ATP8B4: variants seen among roughly 807,000 people sequenced by gnomAD.
ATP8B4 encodes probable phospholipid-transporting ATPase IM.
A neutral mutation model predicts 145.6 loss-of-function variants in ATP8B4; 133 were observed. The observed-to-expected ratio is 0.91, with a 90% CI of 0.79 to 1.05. The LOEUF (loss-of-function observed/expected upper bound fraction) is 1.05, where lower values mean the gene tolerates loss of function less well. Among genes scored for constraint, ATP8B4 ranks in the 50% least tolerant of loss-of-function variants. The probability of loss-of-function intolerance (pLI) is 0.00; values close to 1 mark genes in which losing one functional copy is unlikely to be tolerated. For synonymous variants in ATP8B4, 507 were observed against 492.9 expected, an observed-to-expected ratio of 1.03 and a Z score of -0.38; for missense variants, 1,458 against 1,425.2, an observed-to-expected ratio of 1.02 and a Z score of -0.37.
intron 10 of ATP8B4, among the ~76,000 whole-genome samples, chr15:49,986,722 G>A (rs1002454167): frequency 6.6e-6 from 1 of 152,234 alleles, no homozygotes. Flanking sequence ...GGCAATTGAA[G>A]CCATGAGTAC....
intron 20 of ATP8B4, among the ~76,000 whole-genome samples, chr15:49,908,411 G>C (rs1453366306): frequency 2.0e-5 from 3 of 152,188 alleles, no homozygotes; most frequent in African/African-American, 7.2e-5. Context: ...AAAAGAAGAA[G>C]AGGGAAACAA....
At chr15:49,946,567 A>T (rs2042583263) in intron 14 of ATP8B4, among the ~76,000 whole-genome samples, 1 of 151,778 alleles carries the variant, frequency 6.6e-6, no homozygotes, top group African/African-American at 2.4e-5. Context: ...AAAGTGACCC[A>T]AACTCTATTT....
intron 3 of ATP8B4, 71 bp from the exon 4 acceptor site, chr15:50,047,535 T>C (rs749967373): frequency 1.1e-6 from 1 of 946,760 alleles, no homozygotes; most frequent in Non-Finnish European, 1.7e-6. Flanking sequence ...CTCTAAAACC[T>C]ACAAGCCTGA....
intron 2 of ATP8B4, among the ~76,000 whole-genome samples, chr15:50,076,297 T>G (rs2054166616): frequency 1.3e-5 from 2 of 151,960 alleles, no homozygotes; most frequent in South Asian, 4.1e-4. Flanking sequence ...ATCGAGACCA[T>G]CCTGGCCAAC....
rs1440783185 is a variant in ATP8B4 at position 49,934,282 on chromosome 15, T to C, written c.1288-100A>G. 3.0e-6 allele frequency: 4 copies of C among 1,330,126 alleles called. No individual in the cohort carries two copies. The African/African-American group carries it at 6.0e-5, about 20-fold the overall frequency. The allele number at this position is 1,330,126 out of a possible 1,614,324, so 82.4% of individuals were successfully genotyped here. A position where few individuals can be genotyped will look rare whatever the true frequency, so the allele number is the denominator to read the frequency against. On this transcript the variant is annotated intron_variant, in intron 14 of 27. Transcript: ENST00000284509. Reference sequence around the variant, plus strand: ...TCCCCCAAGTATTTTTAGTGTATTATTTTGCAGCCTCAAATGTCTGGCACT... The same window carrying C: ...TCCCCCAAGTATTTTTAGTGTATTACTTTGCAGCCTCAAATGTCTGGCACT...
chr15:49,878,118 CTTA>C, intron 24 of ATP8B4, among the ~76,000 whole-genome samples: 1 of 152,142 alleles, frequency 6.6e-6, no homozygotes, highest in East Asian at 1.9e-4. Flanking sequence ...AATAGGAAGC[CTTA>C]TTATATTTTT....
At chr15:49,940,346 G>T (rs968512295) in intron 14 of ATP8B4, among the ~76,000 whole-genome samples, 6 of 152,064 alleles carry the variant, frequency 3.9e-5, no homozygotes, top group Non-Finnish European at 8.8e-5. Flanking sequence ...GCTAAACATT[G>T]GGTACACATA....
intron 14 of ATP8B4, among the ~76,000 whole-genome samples, chr15:49,942,941 A>G (rs2042276318): frequency 1.3e-5 from 2 of 152,332 alleles, no homozygotes; most frequent in Admixed American, 1.3e-4. Flanking sequence ...TGTTGTAAAG[A>G]TGCTCTACAA....
At chr15:50,057,916 G>T (rs1170008399) in intron 3 of ATP8B4, among the ~76,000 whole-genome samples, 1 of 152,026 alleles carries the variant, frequency 6.6e-6, no homozygotes, top group African/African-American at 2.4e-5. Flanking sequence ...AGGGTGTTTA[G>T]ACGTATATAA....
rs962948132 is a variant in ATP8B4, at chr15:49,919,095, T to C, written c.1924-145A>G. 1.6e-5 allele frequency: 10 copies of C among 643,558 alleles called. No individual in the cohort carries two copies. In the African/African-American group the frequency reaches 1.9e-4, roughly 12 times the overall value. The allele number at this position is 643,558 out of a possible 1,614,324, so 39.9% of individuals were successfully genotyped here. On this transcript the variant is annotated intron_variant, in intron 18 of 27. Transcript: ENST00000284509. ...ATACATTGATATAGCAGGCATCCTATTTTGTGTGAAAGTGGATTGGGAAGG... is the reference window on the plus strand; with the variant it reads ...ATACATTGATATAGCAGGCATCCTACTTTGTGTGAAAGTGGATTGGGAAGG...
rs570686172 is a variant in ATP8B4, at chr15:49,926,872, G to A, written c.1643-3378C>T. ...AATAATTCTATTTTGCCATATCGCC[G>A]CTGTTCATACATCTACACAGAGAAA... On this transcript the variant is annotated intron_variant, in intron 16 of 27. Transcript: ENST00000284509. Among the ~76,000 whole-genome samples the A allele has an allele frequency of 8.6e-5, 13 of 152,022 alleles. No homozygotes were observed. The South Asian group carries it at 1.2e-3, about 15-fold the overall frequency.
chr15:50,020,535 G>A (rs2049466467), intron 6 of ATP8B4, among the ~76,000 whole-genome samples: 1 of 152,120 alleles, frequency 6.6e-6, no homozygotes, highest in African/African-American at 2.4e-5. Context: ...GCCTCCCAAA[G>A]TGTGATGACT....
chr15:50,062,107 C>G (rs560391071), intron 3 of ATP8B4, among the ~76,000 whole-genome samples: 1 of 152,180 alleles, frequency 6.6e-6, no homozygotes, highest in East Asian at 1.9e-4. Flanking sequence ...AAGAATTACT[C>G]AATACGTGTG....
chr15:49,960,105 G>A (rs2043937978), intron 14 of ATP8B4, among the ~76,000 whole-genome samples: 1 of 148,628 alleles, frequency 6.7e-6, no homozygotes, highest in African/African-American at 2.5e-5. Context: ...TCAGCTCACT[G>A]CAACCTCTGC....
At chr15:49,962,049 G>A (rs751400146) in intron 13 of ATP8B4, 29 bp from the exon 14 acceptor site, 13 of 1,553,608 alleles carry the variant, frequency 8.4e-6, no homozygotes, top group South Asian at 4.8e-5. Context: ...AGAATTAAAA[G>A]TAAGTGAAAC....
chr15:50,173,836 C>T (rs1215183970), intron 1 of ATP8B4, among the ~76,000 whole-genome samples: 3 of 152,008 alleles, frequency 2.0e-5, no homozygotes, highest in Non-Finnish European at 1.5e-5. Context: ...AAGGACATAA[C>T]CAAAAGAAGA....
intron 7 of ATP8B4, among the ~76,000 whole-genome samples, chr15:50,004,468 G>T (rs1416256609): frequency 6.6e-6 from 1 of 152,154 alleles, no homozygotes; most frequent in Non-Finnish European, 1.5e-5. Context: ...CTCACAACAG[G>T]CCTCCTCAAG....
At chr15:50,145,605 G>A (rs1376123712) in intron 1 of ATP8B4, among the ~76,000 whole-genome samples, 5 of 152,164 alleles carry the variant, frequency 3.3e-5, no homozygotes, top group Non-Finnish European at 7.3e-5. Flanking sequence ...TTTACTAAAT[G>A]TGAATAAATT....
intron 2 of ATP8B4, among the ~76,000 whole-genome samples, chr15:50,105,756 T>C (rs1220558759): frequency 6.6e-6 from 1 of 152,196 alleles, no homozygotes; most frequent in Non-Finnish European, 1.5e-5. Context: ...TATGCATTAA[T>C]ATATACATAT....
Sources: allele counts gnomAD v4.1 joint callset (sites outside exome capture counted in the v4.1 genomes callset), GRCh38; gene constraint gnomAD v4.1.1; transcripts MANE v1.5; gene names NCBI Gene and HGNC (gene_info 2026-07-23, HGNC 2026-07-21).